Variants in KIF1A observed in about 807,000 individuals in gnomAD.
The protein encoded by KIF1A is kinesin family member 1A, also known as kinesin-like protein KIF1A.
In KIF1A, 46 loss-of-function variants were observed where a neutral mutation model predicts 227.3. The observed-to-expected ratio is 0.20, with a 90% CI of 0.16 to 0.26. The LOEUF is 0.26. Among genes scored for constraint, KIF1A ranks in the 10% least tolerant of loss-of-function variants. KIF1A has a pLI of 1.00. For missense variants in KIF1A, 1,683 were observed against 2,485.9 expected, an observed-to-expected ratio of 0.68 and a Z score of 6.87; for synonymous variants, 1,022 against 1,012.8, an observed-to-expected ratio of 1.01 and a Z score of -0.17.
intron 31 of KIF1A, 105 bp from the exon 32 acceptor site, chr2:240,745,622 CG>C: frequency 6.8e-7 from 1 of 1,474,748 alleles, no homozygotes; most frequent in Non-Finnish European, 9.3e-7. Context: ...TCAGGGCCTG[CG>C]GGCTGGGCCA....
chr2:240,781,431 C>CCA lies in KIF1A; in HGVS notation c.882+1157_882+1158dup, dbSNP rs1207804684. On this transcript the variant is annotated intron_variant, in intron 10 of 48. Coordinates refer to ENST00000498729, the MANE Select transcript of KIF1A (RefSeq NM_001244008.2). ...CAGCTCCACACACACACACACAGCT[C>CCA]CACACACACACACACACACACACAC... 5.3e-3 allele frequency among the ~76,000 whole-genome samples: 116 copies of CCA among 21,958 alleles called. 10 individuals are homozygous for CCA. Among genetic ancestry groups the CCA allele is most frequent in the South Asian group, 0.051 (46 of 898 alleles). The allele number at this position is 21,958 out of a possible 152,430, so 14.4% of individuals were successfully genotyped here. A position where few individuals can be genotyped will look rare whatever the true frequency, so the allele number is the denominator to read the frequency against.
intron 44 of KIF1A, 21 bp downstream of exon 44, chr2:240,721,786 G>A: frequency 6.3e-7 from 1 of 1,589,082 alleles, no homozygotes; most frequent in South Asian, 1.1e-5. Context: ...GGGCAGCCTG[G>A]TGCAGCCCCT....
chr2:240,790,916 G>T lies in KIF1A; in HGVS notation c.107-1604C>A, dbSNP rs945876255. On this transcript the variant is annotated intron_variant, in intron 2 of 48. Transcript: ENST00000498729. The surrounding 1 kb of genome is among the most constrained non-coding windows in gnomAD (Gnocchi z 5.0). ...CACGAGACAGCACACTTCTGTTTGC[G>T]GTGCTTCCTTATGGCAGTTCAGGGC... 1.3e-5 allele frequency among the ~76,000 whole-genome samples: 2 copies of T among 152,090 alleles called. No homozygotes were observed. The highest frequency in any genetic ancestry group is 2.9e-5 in the Non-Finnish European group (2 of 68,022).
rs560461372 is a variant in KIF1A at position 240,736,154 on chromosome 2, C to T, written c.4007+909G>A. ...AGTCAGAAGAATAGGAGACGACGCCCGCCAGGACCCTCCTTCCTTATGACC... is the reference window on the plus strand; with the variant it reads ...AGTCAGAAGAATAGGAGACGACGCCTGCCAGGACCCTCCTTCCTTATGACC... On this transcript the variant is annotated intron_variant, in intron 38 of 48. Coordinates refer to ENST00000498729, the MANE Select transcript of KIF1A (RefSeq NM_001244008.2). This position sits in a 1 kb window ranked among gnomAD's most constrained non-coding sequence, Gnocchi z 4.7. Among the ~76,000 whole-genome samples the T allele has an allele frequency of 1.3e-4, 20 of 152,250 alleles. No individual in the cohort carries two copies. Among genetic ancestry groups the T allele is most frequent in the South Asian group, 4.1e-4 (2 of 4,824 alleles).
chr2:240,743,985 A>C lies in KIF1A; in HGVS notation c.3541T>G (p.Tyr1181Asp). 1 of 1,613,714 alleles carries C rather than the reference A, an allele frequency of 6.2e-7. No individual in the cohort carries two copies. Among genetic ancestry groups the C allele is most frequent in the Non-Finnish European group, 8.5e-7 (1 of 1,179,786 alleles). ...AGGGGCGGGAACGGGTGCTGCTGGTAGTGGCCAAAGACCTCGAAAACAATG... is the reference window on the plus strand; with the variant it reads ...AGGGGCGGGAACGGGTGCTGCTGGTCGTGGCCAAAGACCTCGAAAACAATG... ...QPIVFEVFGH[Y>D]QQHPFPPLCK... The change falls in exon 33 of 49, where the codon TAC (tyrosine) becomes GAC (aspartate). Residue 1181 changes from tyrosine (Y) to aspartate (D), a missense_variant. By Grantham distance (160) the Tyr-to-Asp change is radical. Transcript: ENST00000498729.
At chr2:240,782,493 C>T (rs2054189930) in intron 10 of KIF1A, 97 bp downstream of exon 10, 4 of 1,338,112 alleles carry the variant, frequency 3.0e-6, no homozygotes, top group Non-Finnish European at 4.2e-6. Flanking sequence ...CCAGCGCACT[C>T]ACTGCCCGCC....
chr2:240,746,130 G>T lies in KIF1A; in HGVS notation c.3111C>A (p.Thr1037=). Residue 1037 remains threonine (T), a synonymous_variant, in exon 30 of 49, where the codon ACC becomes ACA. Transcript: ENST00000498729. Reference sequence around the variant, plus strand: ...CCACGATGCGAAGCTCTTCCTGGGAGGTTCCCGAGCGGGACATCCCCACCA... The same window carrying T: ...CCACGATGCGAAGCTCTTCCTGGGATGTTCCCGAGCGGGACATCCCCACCA... The part of the protein sequence containing the change: ...CPVVGMSRSG[T]SQEELRIVEG... 1 of 1,573,496 alleles carries T rather than the reference G, an allele frequency of 6.4e-7. No individual in the cohort carries two copies.
At chr2:240,804,626 G>A (rs2057231643) in intron 1 of KIF1A, among the ~76,000 whole-genome samples, 1 of 152,132 alleles carries the variant, frequency 6.6e-6, no homozygotes. Flanking sequence ...CAGCCTCTGT[G>A]AAATGGAAGG....
chr2:240,761,595 C>T (rs1485743483), intron 23 of KIF1A, among the ~76,000 whole-genome samples: 3 of 152,166 alleles, frequency 2.0e-5, no homozygotes. Context: ...TGGACAGGCC[C>T]CTCTCTCCCC....
intron 20 of KIF1A, among the ~76,000 whole-genome samples, chr2:240,763,602 C>G (rs891769577): frequency 6.6e-6 from 1 of 152,210 alleles, no homozygotes; most frequent in African/African-American, 2.4e-5. Context: ...CTGCTGTGCT[C>G]CAGTGTCCCC....
intron 2 of KIF1A, among the ~76,000 whole-genome samples, chr2:240,794,362 G>A (rs1200020680): frequency 1.3e-5 from 2 of 152,092 alleles, no homozygotes; most frequent in Admixed American, 1.3e-4. Flanking sequence ...TCCCTCCCCC[G>A]CACCCTGCTG....
intron 10 of KIF1A, chr2:240,782,139 G>T (rs1324747152): frequency 5.1e-6 from 5 of 985,196 alleles, no homozygotes; most frequent in Non-Finnish European, 6.0e-6. Flanking sequence ...CACACGTGGC[G>T]CGCTCCGCGG....
chr2:240,717,340 CG>C lies in KIF1A; in HGVS notation c.*23del, dbSNP rs771850738. The stretch of plus-strand genomic sequence containing the variant: ...GAGGGAGGGGATGGGCTGGGCCTGC[CG>C]GCTGTCACGGGAGGGCTCAGGTTCA... On this transcript the variant is annotated 3_prime_UTR_variant, in exon 49 of 49. Transcript: ENST00000498729. The C allele has an allele frequency of 5.0e-6, 8 of 1,607,008 alleles. No individual in the cohort carries two copies. Among genetic ancestry groups the C allele is most frequent in the Non-Finnish European group, 6.8e-6 (8 of 1,176,580 alleles).
chr2:240,743,902 G>A (rs1295167982), intron 33 of KIF1A, 40 bp downstream of exon 33: 1 of 1,322,510 alleles, frequency 7.6e-7, no homozygotes. Flanking sequence ...CAGGGGCTTT[G>A]AGGACAGCAG....
At chr2:240,767,202 C>G in intron 18 of KIF1A, 64 bp downstream of exon 18, 1 of 1,411,480 alleles carries the variant, frequency 7.1e-7, no homozygotes, top group Non-Finnish European at 9.9e-7. Context: ...ATGGGGAGTC[C>G]AGCCTTCCCC....
chr2:240,757,267 C>T lies in KIF1A; in HGVS notation c.2858+52G>A. 6.6e-7 allele frequency: 1 copy of T among 1,506,224 alleles called. No homozygotes were observed. Among genetic ancestry groups the T allele is most frequent in the Non-Finnish European group, 9.0e-7 (1 of 1,109,746 alleles). 93.3% of individuals were successfully genotyped at this position (1,506,224 alleles called of 1,614,324 possible). On this transcript the variant is annotated intron_variant, in intron 27 of 48. Transcript: ENST00000498729. The surrounding 1 kb of genome is among the most constrained non-coding windows in gnomAD (Gnocchi z 6.2). ...TTCCTCTGTGCCCGCAGCAGTGCTCCTGTGCAAAAGAGCTGGGTCCTCCCC... is the reference window on the plus strand; with the variant it reads ...TTCCTCTGTGCCCGCAGCAGTGCTCTTGTGCAAAAGAGCTGGGTCCTCCCC...
In KIF1A at chr2:240,758,411, G is replaced by A. The variant is rs2050122641; in HGVS notation, c.2531C>T (p.Thr844Ile). 6.2e-7 allele frequency: 1 copy of A among 1,612,918 alleles called. No individual in the cohort carries two copies. Residue 844 changes from threonine (T) to isoleucine (I), a missense_variant, in exon 26 of 49, where the codon ACC (threonine) becomes ATC (isoleucine). Physicochemically the swap from Thr to Ile is moderately conservative, Grantham distance 89 (BLOSUM62 -1). This residue lies in a region of KIF1A where 759 missense variants were observed against 1,020.2 expected (regional missense o/e 0.74). Transcript: ENST00000498729. This position sits in a 1 kb window ranked among gnomAD's most constrained non-coding sequence, Gnocchi z 5.2. ...SVIEDCDNVV[T>I]GGDPFYDRFP... ...GCGGTCATAGAAGGGGTCTCCGCCG[G>A]TCACCACGTTGTCACAGTCCTCGAT... is the stretch of plus-strand genomic sequence containing the variant.
intron 33 of KIF1A, 32 bp downstream of exon 33, chr2:240,743,910 C>T: frequency 7.2e-7 from 1 of 1,392,672 alleles, no homozygotes; most frequent in Non-Finnish European, 1.0e-6. Flanking sequence ...TTGAGGACAG[C>T]AGCCCCGAAC....
rs73102675 is a variant in KIF1A at position 240,788,462 on chromosome 2, C to T, written c.184-232G>A. On this transcript the variant is annotated intron_variant, in intron 3 of 48. Coordinates refer to ENST00000498729, the MANE Select transcript of KIF1A (RefSeq NM_001244008.2). This position sits in a 1 kb window ranked among gnomAD's most constrained non-coding sequence, Gnocchi z 6.6. ...GCGGCCAGCCAGGCAGGAGGCAGGACGGGTTCCAGCAGAGGGAACAGCATG... is the reference window on the plus strand; with the variant it reads ...GCGGCCAGCCAGGCAGGAGGCAGGATGGGTTCCAGCAGAGGGAACAGCATG... Among the ~76,000 whole-genome samples, 4,324 of 152,188 alleles carry T rather than the reference C, an allele frequency of 0.028. 205 individuals are homozygous for T. The highest frequency in any genetic ancestry group is 0.098 in the African/African-American group (4,066 of 41,476).
Sources: gnomAD v4.1 joint callset for allele counts (sites outside exome capture counted in the v4.1 genomes callset) on GRCh38, gnomAD v4.1.1 for gene constraint, gnomAD v4.1.1 regional missense constraint, Gnocchi (gnomAD v3.1) non-coding constraint, MANE v1.5 for transcripts, NCBI Gene and HGNC (gene_info 2026-07-23, HGNC 2026-07-21) for gene names.